DLEU7: variants seen among roughly 807,000 people sequenced by gnomAD.
DLEU7 encodes the protein leukemia-associated protein 7.
In DLEU7, 17 loss-of-function variants were observed where a neutral mutation model predicts 16.0. That is an observed-to-expected ratio of 1.06 (90% CI 0.73 to 1.59). DLEU7 has a LOEUF of 1.59. Among genes scored for constraint, DLEU7 ranks in the 40% most tolerant of loss-of-function variants. The pLI, the probability that DLEU7 is intolerant of heterozygous loss-of-function variation, is 0.00. For missense variants in DLEU7, 308 were observed against 314.9 expected, an observed-to-expected ratio of 0.98 and a Z score of 0.17; for synonymous variants, 113 against 139.8, an observed-to-expected ratio of 0.81 and a Z score of 1.35.
intron 1 of DLEU7, among the ~76,000 whole-genome samples, chr13:50,781,803 A>T (rs940820366): frequency 1.3e-5 from 2 of 152,228 alleles, no homozygotes; most frequent in African/African-American, 4.8e-5. Flanking sequence ...AATAAAAAAA[A>T]ATTCTACTGA....
downstream of DLEU7, chr13:50,711,772 C>CCGGTGGGGG: frequency 1.4e-5 from 1 of 72,928 alleles, no homozygotes; most frequent in African/African-American, 3.9e-5. Context: ...GACCCAGTGG[C>CCGGTGGGGG]GGGGGCGGGG....
At chr13:50,783,048 A>G (rs1313228347) in intron 1 of DLEU7, among the ~76,000 whole-genome samples, 1 of 152,236 alleles carries the variant, frequency 6.6e-6, no homozygotes, top group East Asian at 1.9e-4. Context: ...GGAAAAGTCA[A>G]CACTGCTGAG....
intron 1 of DLEU7, among the ~76,000 whole-genome samples, chr13:50,772,002 C>T (rs1241998229): frequency 6.6e-6 from 1 of 152,112 alleles, no homozygotes; most frequent in Non-Finnish European, 1.5e-5. Context: ...TGAATTGATC[C>T]CTTTACCATT....
Position 50,843,375 on chromosome 13 carries a change from A to G in DLEU7, c.272T>C (p.Val91Ala). Reference protein sequence around the residue: ...ARANSPEEEVVRGAEGGAELL... With the variant: ...ARANSPEEEVARGAEGGAELL... ...CTCGGCGCCCCCCTCAGCGCCTCGC[A>G]CTACCTCCTCCTCTGGGGAGTTCGC... Residue 91 changes from valine (V) to alanine (A), a missense_variant, in exon 1 of 2, where the codon GTG becomes GCG. Coordinates refer to ENST00000504404, the MANE Select transcript of DLEU7 (RefSeq NM_001306135.2). The surrounding 1 kb of genome is among the most constrained non-coding windows in gnomAD (Gnocchi z 5.7). 1 of 1,410,920 alleles carries G rather than the reference A, an allele frequency of 7.1e-7. No individual in the cohort carries two copies. Among genetic ancestry groups the G allele is most frequent in the Non-Finnish European group, 9.2e-7 (1 of 1,084,366 alleles). 87.4% of individuals were successfully genotyped at this position (1,410,920 alleles called of 1,614,324 possible). A position where few individuals can be genotyped will look rare whatever the true frequency, so the allele number is the denominator to read the frequency against.
chr13:50,748,641 T>G (rs1874471671), intron 1 of DLEU7, among the ~76,000 whole-genome samples: 2 of 152,084 alleles, frequency 1.3e-5, no homozygotes, highest in South Asian at 4.1e-4. Context: ...GCTTCCTTAT[T>G]ATAGAGCCCA....
chr13:50,804,994 A>G (rs997238412), intron 1 of DLEU7, among the ~76,000 whole-genome samples: 6 of 151,968 alleles, frequency 3.9e-5, no homozygotes, highest in Non-Finnish European at 7.4e-5. Context: ...TCTACAAGCA[A>G]TTATTATTTG....
intron 1 of DLEU7, among the ~76,000 whole-genome samples, chr13:50,779,586 A>T (rs17074920): frequency 0.17 from 25,484 of 152,060 alleles, 2,413 homozygotes; most frequent in East Asian, 0.28. Context: ...CATCACAGCC[A>T]CCTCGGGAAA....
At chr13:50,745,263 A>G (rs1041417675) in intron 1 of DLEU7, among the ~76,000 whole-genome samples, 4 of 152,240 alleles carry the variant, frequency 2.6e-5, no homozygotes, top group African/African-American at 4.8e-5. Context: ...ACACTGCACC[A>G]TGGATGAACA....
intron 1 of DLEU7, chr13:50,719,676 C>T (rs1196148620): frequency 6.6e-6 from 1 of 152,098 alleles, no homozygotes; most frequent in African/African-American, 2.4e-5. Context: ...GGATTTGAGT[C>T]GTGCTTGTGA....
chr13:50,760,210 CA>C (rs1218820457), intron 1 of DLEU7, among the ~76,000 whole-genome samples: 2 of 152,140 alleles, frequency 1.3e-5, no homozygotes, highest in Non-Finnish European at 2.9e-5. Flanking sequence ...AAACTTCTGC[CA>C]AATTTTAGCA....
At chr13:50,721,219 C>T (rs1387700520) in intron 1 of DLEU7, among the ~76,000 whole-genome samples, 1 of 152,242 alleles carries the variant, frequency 6.6e-6, no homozygotes, top group Non-Finnish European at 1.5e-5. Flanking sequence ...AGCTTTTGGA[C>T]TCTCGCACTT....
intron 1 of DLEU7, among the ~76,000 whole-genome samples, chr13:50,729,513 G>C (rs1342610325): frequency 1.3e-5 from 2 of 151,632 alleles, no homozygotes; most frequent in East Asian, 3.9e-4. Context: ...GTGTCTTTAT[G>C]GTAGAAATAT....
At chr13:50,736,929 A>G (rs1288813549) in intron 1 of DLEU7, among the ~76,000 whole-genome samples, 2 of 152,178 alleles carry the variant, frequency 1.3e-5, no homozygotes, top group Non-Finnish European at 2.9e-5. Flanking sequence ...CTTGAAAAAT[A>G]CAACTTACAT....
chr13:50,795,610 T>A (rs1876089926), intron 1 of DLEU7, among the ~76,000 whole-genome samples: 1 of 152,216 alleles, frequency 6.6e-6, no homozygotes, highest in Non-Finnish European at 1.5e-5. Context: ...TACTTCAGAT[T>A]GTTAAAATAT....
intron 1 of DLEU7, among the ~76,000 whole-genome samples, chr13:50,764,509 G>A (rs1481434711): frequency 6.6e-6 from 1 of 152,242 alleles, no homozygotes; most frequent in Non-Finnish European, 1.5e-5. Flanking sequence ...TGAGAACGCA[G>A]TGAGTCAAAA....
intron 1 of DLEU7, among the ~76,000 whole-genome samples, chr13:50,834,550 G>A (rs954912978): frequency 1.3e-4 from 20 of 152,034 alleles, no homozygotes; most frequent in Admixed American, 2.0e-4. Context: ...CAACATATGC[G>A]GGAGAGTATG....
rs1046080373 is a variant in DLEU7, at chr13:50,713,332, T to C, written c.460-92A>G. ...ATTATTTACTGAGCACTATATTGCATTTTAGGAATGGCATTAGGTACTGGA... is the reference window on the plus strand; with the variant it reads ...ATTATTTACTGAGCACTATATTGCACTTTAGGAATGGCATTAGGTACTGGA... On this transcript the variant is annotated intron_variant, in intron 1 of 1. Transcript: ENST00000400393. The C allele has an allele frequency of 6.1e-6, 9 of 1,470,356 alleles. No individual in the cohort carries two copies. The South Asian group carries it at 7.3e-5, about 12-fold the overall frequency. 91.1% of individuals were successfully genotyped at this position (1,470,356 alleles called of 1,614,324 possible).
At chr13:50,727,591 G>A (rs959471289) in intron 1 of DLEU7, among the ~76,000 whole-genome samples, 4 of 152,112 alleles carry the variant, frequency 2.6e-5, no homozygotes, top group Non-Finnish European at 5.9e-5. Context: ...TGACTCTCAT[G>A]AGAAGCTACA....
At chr13:50,764,394 A>AAAT (rs1875036755) in intron 1 of DLEU7, among the ~76,000 whole-genome samples, 1 of 152,332 alleles carries the variant, frequency 6.6e-6, no homozygotes, top group East Asian at 1.9e-4. Flanking sequence ...ACTGGTCTGA[A>AAAT]GTTTTGTGTT....
Sources: gnomAD v4.1 joint callset for allele counts (sites outside exome capture counted in the v4.1 genomes callset) on GRCh38, gnomAD v4.1.1 for gene constraint, Gnocchi (gnomAD v3.1) non-coding constraint, MANE v1.5 for transcripts, NCBI Gene and HGNC (gene_info 2026-07-23, HGNC 2026-07-21) for gene names.